PCDHGB3: variants seen among roughly 807,000 people sequenced by gnomAD.
PCDHGB3 encodes protocadherin gamma-B3.
In PCDHGB3, 40 loss-of-function variants were observed where a neutral mutation model predicts 59.2. That is an observed-to-expected ratio of 0.68 (90% CI 0.52 to 0.88). The LOEUF (loss-of-function observed/expected upper bound fraction) is 0.88. Ranked by LOEUF, PCDHGB3 falls within the 40% of genes least tolerant of loss-of-function variation. The probability of loss-of-function intolerance (pLI) is 0.00; values close to 1 mark genes in which losing one functional copy is unlikely to be tolerated. For missense variants in PCDHGB3, 1,309 were observed against 1,187.9 expected (o/e 1.10, Z -1.50); for synonymous variants, 581 against 503.6 (o/e 1.15, Z -2.06).
intron 1 of PCDHGB3, among the ~76,000 whole-genome samples, chr5:141,488,802 A>G (rs910422824): frequency 2.0e-5 from 3 of 152,294 alleles, no homozygotes; most frequent in Middle Eastern, 3.4e-3. Flanking sequence ...CCTGTTGAGT[A>G]CCATCTGAGC....
At chr5:141,510,677 A>G (rs2099882239) in intron 3 of PCDHGB3, among the ~76,000 whole-genome samples, 2 of 152,212 alleles carry the variant, frequency 1.3e-5, no homozygotes, top group African/African-American at 4.8e-5. Context: ...CTGAAGTGGC[A>G]TAAGGAGGTT....
At chr5:141,395,516 G>A (rs1402459220) in intron 1 of PCDHGB3, 1 of 407,820 alleles carries the variant, frequency 2.5e-6, no homozygotes, top group Non-Finnish European at 4.4e-6. Context: ...GTAGCTACCC[G>A]TCCATACTGG....
chr5:141,399,018 T>C lies in PCDHGB3; in HGVS notation c.2415+26209T>C. 5 of 1,613,892 alleles carry C rather than the reference T, an allele frequency of 3.1e-6. No individual in the cohort carries two copies. The South Asian group carries it at 3.3e-5, about 11-fold the overall frequency. On this transcript the variant is annotated intron_variant, in intron 1 of 3. Coordinates refer to ENST00000576222, the MANE Select transcript of PCDHGB3 (RefSeq NM_018924.5). ...GTCTGAATTCAAAGAGCGGAGAAATTACCACTCAAAAGAAACTGGATTTTG... is the reference window on the plus strand; with the variant it reads ...GTCTGAATTCAAAGAGCGGAGAAATCACCACTCAAAAGAAACTGGATTTTG...
intron 1 of PCDHGB3, chr5:141,423,080 T>C: frequency 6.2e-7 from 1 of 1,614,050 alleles, no homozygotes; most frequent in East Asian, 2.2e-5. Flanking sequence ...CCGGGACTCT[T>C]CGCGGTGGGG....
At chr5:141,448,802 A>G (rs897172074) in intron 1 of PCDHGB3, among the ~76,000 whole-genome samples, 14 of 152,044 alleles carry the variant, frequency 9.2e-5, no homozygotes, top group Non-Finnish European at 1.8e-4. Flanking sequence ...AAAATTAGCC[A>G]GGCGTGATGG....
At position 141,477,550 on chromosome 5, in the gene PCDHGB3, C is replaced by T. The variant is rs1262360790; in HGVS notation, c.2416-17257C>T. The T allele has an allele frequency of 4.3e-6, 7 of 1,614,178 alleles. No homozygotes were observed. The highest frequency in any genetic ancestry group is 5.9e-6 in the Non-Finnish European group (7 of 1,180,036). On this transcript the variant is annotated intron_variant, in intron 1 of 3. Transcript: ENST00000576222. This position sits in a 1 kb window ranked among gnomAD's most constrained non-coding sequence, Gnocchi z 4.9. ...ACCTCCCCGGGGCTCCAATACTAAACCTAAGTGTCTGGGACCCCGACGCCC... is the reference window on the plus strand; with the variant it reads ...ACCTCCCCGGGGCTCCAATACTAAATCTAAGTGTCTGGGACCCCGACGCCC...
chr5:141,376,710 C>A lies in PCDHGB3; in HGVS notation c.2415+3901C>A, dbSNP rs967144900. 118 of 619,882 alleles carry A rather than the reference C, an allele frequency of 1.9e-4. No individual in the cohort carries two copies. The East Asian group carries it at 3.7e-3, about 19-fold the overall frequency. 38.4% of individuals were successfully genotyped at this position (619,882 alleles called of 1,614,324 possible). Reference sequence around the variant, plus strand: ...TTTTTTTTTTTTTGAGACGGAGTCTCGCTCTGTCGCCCAGGCCGGACTGCG... The same window carrying A: ...TTTTTTTTTTTTTGAGACGGAGTCTAGCTCTGTCGCCCAGGCCGGACTGCG... On this transcript the variant is annotated intron_variant, in intron 1 of 3. Transcript: ENST00000576222.
intron 1 of PCDHGB3, chr5:141,385,485 A>G: frequency 7.1e-7 from 1 of 1,418,146 alleles, no homozygotes; most frequent in Admixed American, 3.0e-5. Flanking sequence ...AATATAGAAC[A>G]CATAGGATAT....
intron 1 of PCDHGB3, among the ~76,000 whole-genome samples, chr5:141,462,442 A>C (rs890167032): frequency 1.3e-5 from 2 of 152,150 alleles, no homozygotes; most frequent in African/African-American, 4.8e-5. Context: ...GCTTACACAC[A>C]ACTGTGTAAC....
At chr5:141,404,488 T>A in intron 1 of PCDHGB3, 1 of 1,613,536 alleles carries the variant, frequency 6.2e-7, no homozygotes, top group Non-Finnish European at 8.5e-7. Context: ...CAGACACTGG[T>A]GTGCTGTATG....
intron 1 of PCDHGB3, chr5:141,421,959 A>T: frequency 6.2e-7 from 1 of 1,612,798 alleles, no homozygotes; most frequent in Non-Finnish European, 8.5e-7. Flanking sequence ...CAATGTTTAC[A>T]CAGTCCGTAT....
chr5:141,456,536 G>A (rs1231730255), intron 1 of PCDHGB3, among the ~76,000 whole-genome samples: 1 of 152,158 alleles, frequency 6.6e-6, no homozygotes, highest in Non-Finnish European at 1.5e-5. Flanking sequence ...AATTAAAGAG[G>A]GATTGTAGCC....
intron 1 of PCDHGB3, chr5:141,404,026 A>T: frequency 6.2e-7 from 1 of 1,613,874 alleles, no homozygotes; most frequent in Non-Finnish European, 8.5e-7. Context: ...CAGTGAGAGA[A>T]GACGCACCTC....
intron 1 of PCDHGB3, among the ~76,000 whole-genome samples, chr5:141,438,211 A>G (rs767576436): frequency 7.8e-4 from 119 of 152,308 alleles, no homozygotes; most frequent in Admixed American, 2.3e-3. Context: ...CCATATGGGA[A>G]GGGCTCTGGT....
intron 3 of PCDHGB3, among the ~76,000 whole-genome samples, chr5:141,508,439 T>C (rs1037512760): frequency 1.3e-5 from 2 of 152,188 alleles, no homozygotes; most frequent in African/African-American, 4.8e-5. Flanking sequence ...ACACAGTTCC[T>C]TAGTGGCAGA....
intron 1 of PCDHGB3, among the ~76,000 whole-genome samples, chr5:141,461,376 T>C (rs2099014225): frequency 6.6e-6 from 1 of 152,184 alleles, no homozygotes; most frequent in South Asian, 2.1e-4. Context: ...AATTTGCATT[T>C]TCCTGATGAT....
intron 2 of PCDHGB3, among the ~76,000 whole-genome samples, chr5:141,501,236 G>T (rs571684337): frequency 5.5e-4 from 83 of 150,782 alleles, no homozygotes; most frequent in African/African-American, 2.0e-3. Context: ...TCAGTTTTTT[G>T]AGCATGATGT....
At chr5:141,428,021 C>G (rs1185050109) in intron 1 of PCDHGB3, 1 of 1,605,486 alleles carries the variant, frequency 6.2e-7, no homozygotes, top group Admixed American at 1.7e-5. Flanking sequence ...TGCCACGCGC[C>G]GCAGAGTCCG....
rs199658498 is a variant in PCDHGB3 at position 141,394,428 on chromosome 5, G to C, written c.2415+21619G>C. 4 of 1,614,114 alleles carry C rather than the reference G, an allele frequency of 2.5e-6. No individual in the cohort carries two copies. In the East Asian group the frequency reaches 6.7e-5, roughly 27 times the overall value. ...ACTGGTAACAGCCAGCGACAGCGGGGACCCGCCCCTCAGCAGCAACATGTC... is the reference window on the plus strand; with the variant it reads ...ACTGGTAACAGCCAGCGACAGCGGGCACCCGCCCCTCAGCAGCAACATGTC... On this transcript the variant is annotated intron_variant, in intron 1 of 3. Coordinates refer to ENST00000576222, the MANE Select transcript of PCDHGB3 (RefSeq NM_018924.5).
Sources: gnomAD v4.1 joint callset for allele counts (sites outside exome capture counted in the v4.1 genomes callset) on GRCh38, gnomAD v4.1.1 for gene constraint, Gnocchi (gnomAD v3.1) non-coding constraint, MANE v1.5 for transcripts, NCBI Gene and HGNC (gene_info 2026-07-23, HGNC 2026-07-21) for gene names.